GATA4: variants seen among roughly 807,000 people sequenced by gnomAD.
The protein encoded by GATA4 is GATA binding protein 4, also known as transcription factor GATA-4.
A neutral mutation model predicts 37.9 loss-of-function variants in GATA4; 7 were observed. The ratio of observed to expected loss-of-function variants is 0.18; its 90% CI spans 0.11 to 0.35. The LOEUF is 0.35. GATA4 is among the 10% of genes least tolerant of loss of function. The probability of loss-of-function intolerance (pLI) is 1.00; values close to 1 mark genes in which losing one functional copy is unlikely to be tolerated. For synonymous variants in GATA4, 372 were observed against 292.6 expected (o/e 1.27, Z -2.77); for missense variants, 647 against 653.0 (o/e 0.99, Z 0.10).
intron 2 of GATA4, among the ~76,000 whole-genome samples, chr8:11,717,871 G>A (rs537779390): frequency 7.0e-4 from 106 of 152,182 alleles, no homozygotes; most frequent in African/African-American, 1.2e-3. Context: ...CTTTCTAGCC[G>A]TTGGATTCTG....
chr8:11,697,357 T>C (rs577862765), intron 1 of GATA4, among the ~76,000 whole-genome samples: 93 of 152,366 alleles, frequency 6.1e-4, no homozygotes, highest in African/African-American at 2.1e-3. Flanking sequence ...GAACACCCTT[T>C]GACAGAACAA....
intron 2 of GATA4, among the ~76,000 whole-genome samples, chr8:11,725,551 A>C (rs1012384696): frequency 6.6e-6 from 1 of 152,164 alleles, no homozygotes; most frequent in Non-Finnish European, 1.5e-5. Context: ...CAAGTTCTAC[A>C]GTATTTCTGG....
intron 1 of GATA4, among the ~76,000 whole-genome samples, chr8:11,686,072 G>T (rs1799125591): frequency 6.6e-6 from 1 of 152,204 alleles, no homozygotes; most frequent in African/African-American, 2.4e-5. Flanking sequence ...GTTTGCACTT[G>T]TAGAGAAACA....
chr8:11,710,378 G>C (rs1800122084), intron 2 of GATA4, among the ~76,000 whole-genome samples: 1 of 152,126 alleles, frequency 6.6e-6, no homozygotes, highest in Non-Finnish European at 1.5e-5. Context: ...GCGGGAGTGC[G>C]GGGCGGGGCG....
At chr8:11,683,153 T>C (rs1480998720) in intron 1 of GATA4, 3 of 979,268 alleles carry the variant, frequency 3.1e-6, no homozygotes, top group Non-Finnish European at 3.6e-6. Flanking sequence ...GCAGAGATAA[T>C]GGAGGGGCTC....
At chr8:11,712,375 G>A (rs28609667) in intron 2 of GATA4, among the ~76,000 whole-genome samples, 1 of 152,176 alleles carries the variant, frequency 6.6e-6, no homozygotes, top group Non-Finnish European at 1.5e-5. Flanking sequence ...AGAAACAGCA[G>A]AGGAGAAGCA....
chr8:11,680,658 G>A, intron 1 of GATA4: 1 of 985,324 alleles, frequency 1.0e-6, no homozygotes, highest in Non-Finnish European at 1.2e-6. Flanking sequence ...ACGTGTCTCG[G>A]GTCGCCCTTT....
rs56191129 is a variant in GATA4, at chr8:11,708,590, G to C, written c.278G>C (p.Gly93Ala). 2.2e-6 allele frequency: 3 copies of C among 1,357,144 alleles called. No homozygotes were observed. The highest frequency in any genetic ancestry group is 1.5e-5 in the African/African-American group (1 of 65,656). The allele number at this position is 1,357,144 out of a possible 1,614,324, so 84.1% of individuals were successfully genotyped here. Reference sequence around the variant, plus strand: ...GGCAGCCCGGGATGGAGCCAGGCGGGAGCCGACGGAGCCGCTTACACCCCG... The same window carrying C: ...GGCAGCCCGGGATGGAGCCAGGCGGCAGCCGACGGAGCCGCTTACACCCCG... ...QQGSPGWSQAGADGAAYTPPP... is the reference protein window; with the variant it reads ...QQGSPGWSQAAADGAAYTPPP... The change falls in exon 2 of 7, where the codon GGA (glycine) becomes GCA (alanine). Residue 93 changes from glycine to alanine, a missense_variant. Transcript: ENST00000532059. This position sits in a 1 kb window ranked among gnomAD's most constrained non-coding sequence, Gnocchi z 6.7.
chr8:11,756,721 A>T, intron 5 of GATA4: 1 of 625,208 alleles, frequency 1.6e-6, no homozygotes, highest in Non-Finnish European at 2.8e-6. Flanking sequence ...TTGAAGCCTG[A>T]AACACACGTG....
intron 2 of GATA4, among the ~76,000 whole-genome samples, chr8:11,737,634 T>G (rs1406002588): frequency 1.3e-5 from 2 of 152,192 alleles, no homozygotes; most frequent in Non-Finnish European, 2.9e-5. Flanking sequence ...GGACAGGAGC[T>G]AGGGTGCTGT....
intron 1 of GATA4, among the ~76,000 whole-genome samples, chr8:11,706,665 A>G (rs529597687): frequency 2.0e-5 from 3 of 152,356 alleles, no homozygotes; most frequent in Non-Finnish European, 4.4e-5. Flanking sequence ...AATAAAAAAG[A>G]AAACTTTGTC....
intron 2 of GATA4, among the ~76,000 whole-genome samples, chr8:11,737,181 A>C (rs1801502683): frequency 6.6e-6 from 1 of 151,844 alleles, no homozygotes; most frequent in African/African-American, 2.4e-5. Context: ...CCCCACGTAT[A>C]AATTTCTACA....
chr8:11,716,886 G>T (rs1463711831), intron 2 of GATA4, among the ~76,000 whole-genome samples: 1 of 152,252 alleles, frequency 6.6e-6, no homozygotes, highest in Non-Finnish European at 1.5e-5. Flanking sequence ...GCTTGTGTCT[G>T]CATAAGAAAG....
upstream of GATA4, chr8:11,692,609 A>C (rs567606414): frequency 4.3e-4 from 419 of 984,916 alleles, 3 homozygotes; most frequent in African/African-American, 6.8e-3. Context: ...TGGGGCGGGA[A>C]CCGGCTTCTG....
At chr8:11,724,679 GC>G (rs2130166339) in intron 2 of GATA4, among the ~76,000 whole-genome samples, 1 of 152,272 alleles carries the variant, frequency 6.6e-6, no homozygotes, top group East Asian at 1.9e-4. Context: ...ACATGGGCAG[GC>G]ATGAATAAAT....
intron 2 of GATA4, among the ~76,000 whole-genome samples, chr8:11,711,441 G>A (rs1021905621): frequency 3.9e-5 from 6 of 152,186 alleles, no homozygotes; most frequent in African/African-American, 1.4e-4. Flanking sequence ...TAGCTTCAGC[G>A]TGTTATGCAG....
upstream of GATA4, among the ~76,000 whole-genome samples, chr8:11,687,683 G>A (rs1464836781): frequency 1.3e-5 from 2 of 152,106 alleles, no homozygotes; most frequent in African/African-American, 4.8e-5. Flanking sequence ...AACTCAAAAT[G>A]CCTTGCTCTA....
upstream of GATA4, among the ~76,000 whole-genome samples, chr8:11,703,195 T>G (rs1799744516): frequency 6.6e-6 from 1 of 151,932 alleles, no homozygotes; most frequent in South Asian, 2.1e-4. Context: ...AAAAAAAGTT[T>G]AACCGAAAGC....
upstream of GATA4, among the ~76,000 whole-genome samples, chr8:11,701,590 C>A (rs180902849): frequency 6.6e-6 from 1 of 152,020 alleles, no homozygotes; most frequent in Non-Finnish European, 1.5e-5. Flanking sequence ...AGGGAGGGGG[C>A]GAGCGGAGAG....
Sources: allele counts gnomAD v4.1 joint callset (sites outside exome capture counted in the v4.1 genomes callset), GRCh38; gene constraint gnomAD v4.1.1; non-coding constraint Gnocchi (gnomAD v3.1); transcripts MANE v1.5; gene names NCBI Gene and HGNC (gene_info 2026-07-23, HGNC 2026-07-21).